Variants in EPHA6 observed in about 807,000 individuals in gnomAD.
EPHA6 encodes ephrin type-A receptor 6.
EPHA6 carries 50 observed loss-of-function variants against 112.0 expected under a neutral mutation model. The ratio of observed to expected loss-of-function variants is 0.45; its 90% CI spans 0.36 to 0.56. EPHA6 has a LOEUF of 0.56. EPHA6 is among the 20% of genes least tolerant of loss of function. EPHA6 has a pLI of 0.00. For missense variants in EPHA6, 1,280 were observed against 1,417.4 expected (o/e 0.90, Z 1.56); for synonymous variants, 529 against 490.7 (o/e 1.08, Z -1.03).
At chr3:97,324,024 A>G (rs1313353272) in intron 5 of EPHA6, among the ~76,000 whole-genome samples, 1 of 152,022 alleles carries the variant, frequency 6.6e-6, no homozygotes, top group African/African-American at 2.4e-5. Context: ...GTGACCGTCC[A>G]TAGCAAGCAC....
chr3:97,745,468 T>A, intron 16 of EPHA6: 1 of 422,650 alleles, frequency 2.4e-6, no homozygotes, highest in Non-Finnish European at 4.7e-6. Flanking sequence ...AGCCTCCAAA[T>A]AGGAAATGCA....
chr3:97,152,505 C>T (rs529810415), intron 3 of EPHA6, among the ~76,000 whole-genome samples: 1 of 151,204 alleles, frequency 6.6e-6, no homozygotes. Flanking sequence ...ACAGAACTAA[C>T]ACTGAAATGC....
chr3:96,997,162 G>A (rs961330343), intron 3 of EPHA6, among the ~76,000 whole-genome samples: 2 of 151,852 alleles, frequency 1.3e-5, no homozygotes, highest in Non-Finnish European at 2.9e-5. Context: ...CCATGTTAGG[G>A]TCTTATTCTG....
chr3:97,343,850 A>G (rs2083421700), intron 5 of EPHA6, among the ~76,000 whole-genome samples: 1 of 152,182 alleles, frequency 6.6e-6, no homozygotes, highest in Non-Finnish European at 1.5e-5. Context: ...GAGCAAAGGG[A>G]GTGACATAGC....
intron 10 of EPHA6, among the ~76,000 whole-genome samples, chr3:97,497,827 C>A (rs1407879266): frequency 1.3e-5 from 2 of 151,644 alleles, no homozygotes; most frequent in African/African-American, 2.4e-5. Flanking sequence ...AAAAAGCAGG[C>A]AAGTCTAATT....
At chr3:97,438,989 A>T (rs10934935) in intron 6 of EPHA6, among the ~76,000 whole-genome samples, 22,532 of 151,986 alleles carry the variant, frequency 0.15, 5,248 homozygotes, top group African/African-American at 0.5. Context: ...TATCACTATT[A>T]AAAGCAGTTC....
intron 12 of EPHA6, among the ~76,000 whole-genome samples, chr3:97,597,246 A>G (rs1288448769): frequency 6.6e-6 from 1 of 152,038 alleles, no homozygotes; most frequent in Non-Finnish European, 1.5e-5. Flanking sequence ...TTTAAGTACA[A>G]TGCTATATGT....
intron 3 of EPHA6, among the ~76,000 whole-genome samples, chr3:97,006,597 C>T (rs917159814): frequency 6.6e-6 from 1 of 151,826 alleles, no homozygotes; most frequent in Non-Finnish European, 1.5e-5. Context: ...GTTCTTGTCT[C>T]TATCTCTTTC....
intron 5 of EPHA6, among the ~76,000 whole-genome samples, chr3:97,383,026 G>A (rs569812094): frequency 2.0e-5 from 3 of 152,002 alleles, no homozygotes; most frequent in Admixed American, 2.0e-4. Flanking sequence ...CCCCAAAAAA[G>A]TGCCACATTA....
intron 3 of EPHA6, among the ~76,000 whole-genome samples, chr3:97,212,189 T>C (rs958807242): frequency 1.3e-5 from 2 of 152,144 alleles, no homozygotes; most frequent in African/African-American, 4.8e-5. Context: ...ATAAAAATAC[T>C]AAATAGTATT....
chr3:97,426,021 C>A (rs909754450), intron 6 of EPHA6, among the ~76,000 whole-genome samples: 16 of 152,172 alleles, frequency 1.1e-4, no homozygotes, highest in African/African-American at 3.6e-4. Flanking sequence ...TTCAACAAAC[C>A]TCTAGGAAGT....
At chr3:97,729,306 A>G (rs1180338319) in intron 15 of EPHA6, among the ~76,000 whole-genome samples, 1 of 152,116 alleles carries the variant, frequency 6.6e-6, no homozygotes. Flanking sequence ...TCACACTGCT[A>G]TGAAGAAATA....
At chr3:97,062,343 T>A (rs999831810) in intron 3 of EPHA6, among the ~76,000 whole-genome samples, 2 of 147,364 alleles carry the variant, frequency 1.4e-5, no homozygotes, top group Admixed American at 1.4e-4. Context: ...ACTATAAAGA[T>A]GACTAAATAG....
intron 3 of EPHA6, among the ~76,000 whole-genome samples, chr3:97,198,314 G>A (rs1576666296): frequency 6.6e-6 from 1 of 152,194 alleles, no homozygotes; most frequent in East Asian, 1.9e-4. Context: ...AAGTGGTTAT[G>A]ACCCATGCAA....
chr3:97,490,895 T>A (rs369519097), intron 10 of EPHA6, among the ~76,000 whole-genome samples: 3 of 152,140 alleles, frequency 2.0e-5, no homozygotes, highest in East Asian at 3.9e-4. Flanking sequence ...AGGATCCACA[T>A]CCAAACTTAT....
At chr3:97,716,802 A>G (rs967197209) in intron 14 of EPHA6, among the ~76,000 whole-genome samples, 2 of 152,202 alleles carry the variant, frequency 1.3e-5, no homozygotes, top group Non-Finnish European at 2.9e-5. Context: ...TGTGCATACC[A>G]TCAGGTTCAT....
chr3:97,611,418 T>TAA (rs1405692070), intron 13 of EPHA6, among the ~76,000 whole-genome samples: 8 of 151,876 alleles, frequency 5.3e-5, no homozygotes, highest in Non-Finnish European at 1.2e-4. Flanking sequence ...GATTTATCTT[T>TAA]AAAAGTATAG....
intron 5 of EPHA6, among the ~76,000 whole-genome samples, chr3:97,323,185 T>C (rs2082202476): frequency 1.3e-5 from 2 of 152,004 alleles, no homozygotes; most frequent in Non-Finnish European, 2.9e-5. Context: ...ATGTTTCATC[T>C]GACATAATGA....
chr3:97,453,165 C>A (rs565366148), intron 7 of EPHA6, among the ~76,000 whole-genome samples: 162 of 151,752 alleles, frequency 1.1e-3, no homozygotes, highest in Non-Finnish European at 1.9e-3. Context: ...AAAATGTATT[C>A]TGCTAGATTG....
Sources: allele counts gnomAD v4.1 joint callset (sites outside exome capture counted in the v4.1 genomes callset), GRCh38; gene constraint gnomAD v4.1.1; transcripts MANE v1.5; gene names NCBI Gene and HGNC (gene_info 2026-07-23, HGNC 2026-07-21).